TRDN: variants seen among roughly 807,000 people sequenced by gnomAD.
The protein encoded by TRDN is triadin in skeletal muscle.
In TRDN, 161 loss-of-function variants were observed where a neutral mutation model predicts 149.7. The ratio of observed to expected loss-of-function variants is 1.08; its 90% CI spans 0.95 to 1.23. TRDN has a LOEUF of 1.23. Ranked by LOEUF, TRDN falls within the 50% of genes most tolerant of loss-of-function variation. The probability of loss-of-function intolerance (pLI) is 0.00; values close to 1 mark genes in which losing one functional copy is unlikely to be tolerated. For missense variants in TRDN, 896 were observed against 823.5 expected, an observed-to-expected ratio of 1.09 and a Z score of -1.08; for synonymous variants, 294 against 250.5, an observed-to-expected ratio of 1.17 and a Z score of -1.64.
intron 39 of TRDN, among the ~76,000 whole-genome samples, chr6:123,223,466 G>T (rs1400311088): frequency 6.6e-6 from 1 of 151,554 alleles, no homozygotes; most frequent in African/African-American, 2.4e-5. Flanking sequence ...TTAACATAAT[G>T]CCTATTTTAT....
At chr6:123,283,044 C>A (rs760826353) in intron 24 of TRDN, among the ~76,000 whole-genome samples, 2 of 151,550 alleles carry the variant, frequency 1.3e-5, no homozygotes, top group East Asian at 1.9e-4. Context: ...TGGAAATCAT[C>A]GGAATAGCTT....
At chr6:123,259,898 C>T (rs1373243791) in intron 34 of TRDN, among the ~76,000 whole-genome samples, 1 of 151,646 alleles carries the variant, frequency 6.6e-6, no homozygotes, top group African/African-American at 2.4e-5. Flanking sequence ...TTTTACTCCT[C>T]TTCCTTCTTC....
At chr6:123,251,505 A>G (rs548433729) in intron 38 of TRDN, among the ~76,000 whole-genome samples, 1 of 152,120 alleles carries the variant, frequency 6.6e-6, no homozygotes, top group East Asian at 1.9e-4. Context: ...AAAATAAAAT[A>G]TTACTAAAAT....
At chr6:123,505,724 A>T (rs4376367) in intron 7 of TRDN, among the ~76,000 whole-genome samples, 2 of 151,168 alleles carry the variant, frequency 1.3e-5, no homozygotes. Context: ...TTTTGAGATG[A>T]AGTCTTGCTT....
At chr6:123,519,490 TTA>T (rs201009504) in intron 5 of TRDN, among the ~76,000 whole-genome samples, 62,958 of 116,350 alleles carry the variant, frequency 0.54, 14,065 homozygotes, top group Admixed American at 0.64. Context: ...TTTTTTTTTT[TTA>T]AACAGGGAAA....
At chr6:123,311,083 G>A (rs770600036) in intron 24 of TRDN, among the ~76,000 whole-genome samples, 23 of 151,980 alleles carry the variant, frequency 1.5e-4, no homozygotes, top group Non-Finnish European at 2.9e-4. Context: ...AATAAATACC[G>A]AAGACTGGGT....
Position 123,278,225 on chromosome 6 carries a change from T to G in TRDN, c.1567+93A>C, listed in dbSNP as rs191764782. On this transcript the variant is annotated intron_variant, in intron 26 of 40. Coordinates refer to ENST00000334268, the MANE Select transcript of TRDN (RefSeq NM_006073.4). Reference sequence around the variant, plus strand: ...TGGTCAAGGATAAAATTTGATAAAATATTTGTACTAGGACATGACATTTGC... The same window carrying G: ...TGGTCAAGGATAAAATTTGATAAAAGATTTGTACTAGGACATGACATTTGC... 3.0e-5 allele frequency: 26 copies of G among 872,884 alleles called. No individual in the cohort carries two copies. The East Asian group carries it at 1.2e-3, about 41-fold the overall frequency. 54.1% of individuals were successfully genotyped at this position (872,884 alleles called of 1,614,324 possible).
intron 26 of TRDN, among the ~76,000 whole-genome samples, chr6:123,275,992 C>G (rs780869350): frequency 1.2e-3 from 184 of 152,196 alleles, no homozygotes; most frequent in Non-Finnish European, 1.9e-3. Flanking sequence ...GTTACTGTGT[C>G]CTTCAGAGAG....
intron 38 of TRDN, among the ~76,000 whole-genome samples, chr6:123,229,240 G>A (rs1454895340): frequency 6.6e-6 from 1 of 151,864 alleles, no homozygotes; most frequent in Non-Finnish European, 1.5e-5. Context: ...CAAGGACTAG[G>A]TTTTGTATAA....
At chr6:123,402,626 G>A (rs1263713004) in intron 12 of TRDN, among the ~76,000 whole-genome samples, 2 of 152,156 alleles carry the variant, frequency 1.3e-5, no homozygotes, top group African/African-American at 4.8e-5. Flanking sequence ...TTTTGGGCAG[G>A]AAAGTTACAC....
intron 12 of TRDN, among the ~76,000 whole-genome samples, chr6:123,395,163 T>C (rs961828944): frequency 6.6e-6 from 1 of 152,198 alleles, no homozygotes; most frequent in Non-Finnish European, 1.5e-5. Flanking sequence ...TACCTTAGAA[T>C]TTGTAGAAAT....
chr6:123,322,043 T>C (rs1779261318), intron 23 of TRDN, among the ~76,000 whole-genome samples: 1 of 152,170 alleles, frequency 6.6e-6, no homozygotes, highest in Non-Finnish European at 1.5e-5. Flanking sequence ...CTTCAATATT[T>C]TACTGACTGT....
At chr6:123,493,882 T>C (rs1025029998) in intron 9 of TRDN, among the ~76,000 whole-genome samples, 1 of 152,202 alleles carries the variant, frequency 6.6e-6, no homozygotes, top group Non-Finnish European at 1.5e-5. Context: ...TCATATTTAA[T>C]GCTTTCTCAC....
chr6:123,587,773 G>A (rs1783579231), intron 1 of TRDN, among the ~76,000 whole-genome samples: 1 of 150,528 alleles, frequency 6.6e-6, no homozygotes, highest in Non-Finnish European at 1.5e-5. Context: ...AGGGGGGGTT[G>A]TTCTCTGGCA....
At chr6:123,279,312 G>A (rs1020799433) in intron 24 of TRDN, among the ~76,000 whole-genome samples, 3 of 151,954 alleles carry the variant, frequency 2.0e-5, no homozygotes, top group Admixed American at 6.6e-5. Context: ...CAGGTTTTAG[G>A]CCATATAGTC....
At chr6:123,615,123 TG>T (rs1468776984) in intron 1 of TRDN, among the ~76,000 whole-genome samples, 1 of 152,100 alleles carries the variant, frequency 6.6e-6, no homozygotes, top group East Asian at 1.9e-4. Context: ...CCAGTTAGAA[TG>T]TCTATTATCA....
At chr6:123,473,563 G>T (rs1777299756) in intron 9 of TRDN, among the ~76,000 whole-genome samples, 1 of 151,820 alleles carries the variant, frequency 6.6e-6, no homozygotes. Flanking sequence ...AGCAAGGCAG[G>T]CCAACGTTCA....
chr6:123,407,981 G>C (rs371467120), intron 12 of TRDN, among the ~76,000 whole-genome samples: 3 of 152,166 alleles, frequency 2.0e-5, no homozygotes, highest in African/African-American at 7.2e-5. Flanking sequence ...GCCTGGTCTG[G>C]GTTTAAATCT....
chr6:123,577,542 C>T (rs184144959), intron 1 of TRDN, among the ~76,000 whole-genome samples: 131 of 152,058 alleles, frequency 8.6e-4, no homozygotes, highest in African/African-American at 2.7e-3. Context: ...TTATTTAATC[C>T]GTCATTGGTG....
Sources: allele counts gnomAD v4.1 joint callset (sites outside exome capture counted in the v4.1 genomes callset), GRCh38; gene constraint gnomAD v4.1.1; transcripts MANE v1.5; gene names NCBI Gene and HGNC (gene_info 2026-07-23, HGNC 2026-07-21).